MCUB: variants seen among roughly 807,000 people sequenced by gnomAD.
MCUB encodes the protein calcium uniporter regulatory subunit MCUb, mitochondrial.
Under a neutral mutation model 41.4 loss-of-function variants are expected in MCUB, and 46 were observed. The observed-to-expected ratio is 1.11, with a 90% CI of 0.88 to 1.42. The LOEUF (loss-of-function observed/expected upper bound fraction) is 1.42. MCUB is among the 40% of genes most tolerant of loss of function. The probability of loss-of-function intolerance (pLI) is 0.00; values close to 1 mark genes in which losing one functional copy is unlikely to be tolerated. For synonymous variants in MCUB, 148 were observed against 148.2 expected (o/e 1.00, Z 0.01); for missense variants, 403 against 404.9 (o/e 1.00, Z 0.04).
At chr4:109,648,693 GA>G (rs1728891200) in intron 1 of MCUB, 1 of 232,422 alleles carries the variant, frequency 4.3e-6, no homozygotes, top group Non-Finnish European at 7.7e-6. Context: ...ATAGCAGTTT[GA>G]TTTTTTTTTT....
chr4:109,684,284 G>A lies in MCUB; in HGVS notation c.613-159G>A, dbSNP rs558553594. Among the ~76,000 whole-genome samples, 33 of 152,102 alleles carry A rather than the reference G, an allele frequency of 2.2e-4. No homozygotes were observed. The East Asian group carries it at 6.4e-3, about 29-fold the overall frequency. ...TCACCATGTTAACCAGGATGGTCTC[G>A]ATCTCCTGACCTCGTGATCCGCCCA... On this transcript the variant is annotated intron_variant, in intron 5 of 7. Transcript: ENST00000394650.
chr4:109,581,737 T>C (rs1561215878), intron 1 of MCUB, among the ~76,000 whole-genome samples: 2 of 152,288 alleles, frequency 1.3e-5, no homozygotes, highest in South Asian at 2.1e-4. Context: ...CAGACACTTC[T>C]CAAAAGAAGA....
chr4:109,639,171 G>C (rs1186284260), intron 1 of MCUB, among the ~76,000 whole-genome samples: 1 of 152,254 alleles, frequency 6.6e-6, no homozygotes, highest in East Asian at 1.9e-4. Flanking sequence ...ATCTATGGCA[G>C]TTATAGCCTT....
In MCUB at chr4:109,560,264, G is replaced by C. The variant is rs1726586482; in HGVS notation, c.-74G>C. 3 of 728,532 alleles carry C rather than the reference G, an allele frequency of 4.1e-6. No individual in the cohort carries two copies. In the Admixed American group the frequency reaches 1.3e-4, roughly 32 times the overall value. The allele number at this position is 728,532 out of a possible 1,614,324, so 45.1% of individuals were successfully genotyped here. Reference sequence around the variant, plus strand: ...AGCGCCCACAGCTCGGAGCCACCAGGCGCTGACGAGGAGCCCGGCTGAGGG... The same window carrying C: ...AGCGCCCACAGCTCGGAGCCACCAGCCGCTGACGAGGAGCCCGGCTGAGGG... On this transcript the variant is annotated 5_prime_UTR_variant, in exon 1 of 8. Coordinates refer to ENST00000394650, the MANE Select transcript of MCUB (RefSeq NM_017918.5).
At chr4:109,605,544 A>C (rs1300644486) in intron 1 of MCUB, among the ~76,000 whole-genome samples, 1 of 152,190 alleles carries the variant, frequency 6.6e-6, no homozygotes, top group Non-Finnish European at 1.5e-5. Flanking sequence ...TATTAGATCC[A>C]TTTGGTCCAT....
At chr4:109,656,395 A>G (rs1399320005) in intron 1 of MCUB, among the ~76,000 whole-genome samples, 20 of 49,864 alleles carry the variant, frequency 4.0e-4, no homozygotes, top group Admixed American at 1.5e-3. Context: ...TTTTTTTTGG[A>G]GACAGGGTTT....
chr4:109,619,432 G>T (rs1232797371), intron 1 of MCUB, among the ~76,000 whole-genome samples: 1 of 152,146 alleles, frequency 6.6e-6, no homozygotes, highest in Non-Finnish European at 1.5e-5. Context: ...CAAAGGCTGG[G>T]CGTGGTGGCT....
intron 1 of MCUB, among the ~76,000 whole-genome samples, chr4:109,606,664 A>G (rs1727877968): frequency 1.3e-5 from 2 of 152,198 alleles, no homozygotes; most frequent in African/African-American, 4.8e-5. Context: ...TAAAAACTCT[A>G]TACTTCAGTG....
At chr4:109,656,353 A>C (rs1287452667) in intron 1 of MCUB, among the ~76,000 whole-genome samples, 5 of 100,322 alleles carry the variant, frequency 5.0e-5, no homozygotes, top group African/African-American at 1.4e-4. Context: ...TTTACTCTCT[A>C]CTTTTTTTTT....
rs11933017 is a variant in MCUB, at chr4:109,686,355, T to A, written c.933+988T>A. 8.2e-3 allele frequency among the ~76,000 whole-genome samples: 1,241 copies of A among 152,262 alleles called. 19 individuals are homozygous for A. The highest frequency in any genetic ancestry group is 0.028 in the African/African-American group (1,150 of 41,544). On this transcript the variant is annotated intron_variant, in intron 7 of 7. Transcript: ENST00000394650. ...AGTTCCACTATGTTGTCCAGGCTGG[T>A]CTCAAACTCCTAACCTCAAGTGATC...
At chr4:109,657,114 G>A (rs1213332629) in intron 1 of MCUB, among the ~76,000 whole-genome samples, 1 of 151,744 alleles carries the variant, frequency 6.6e-6, no homozygotes, top group African/African-American at 2.4e-5. Context: ...AGCTACTTGG[G>A]AGGCTGAAGC....
intron 1 of MCUB, among the ~76,000 whole-genome samples, chr4:109,627,772 G>C (rs1401836770): frequency 2.6e-5 from 4 of 152,100 alleles, no homozygotes; most frequent in South Asian, 2.1e-4. Flanking sequence ...AATTAGCCAG[G>C]TGTGGTGGTG....
intron 4 of MCUB, among the ~76,000 whole-genome samples, chr4:109,678,994 G>A (rs952403367): frequency 7.0e-6 from 1 of 143,336 alleles, no homozygotes; most frequent in African/African-American, 2.6e-5. Context: ...GGCAGAGACA[G>A]TCCTCACTTC....
At chr4:109,635,154 A>G (rs1239265289) in intron 1 of MCUB, among the ~76,000 whole-genome samples, 1 of 152,140 alleles carries the variant, frequency 6.6e-6, no homozygotes, top group Non-Finnish European at 1.5e-5. Flanking sequence ...ATTGCTGCAT[A>G]GTATTTCATG....
intron 4 of MCUB, among the ~76,000 whole-genome samples, chr4:109,667,040 G>A (rs1386986584): frequency 6.6e-6 from 1 of 152,140 alleles, no homozygotes; most frequent in Non-Finnish European, 1.5e-5. Flanking sequence ...ATATTGGTCT[G>A]TGGTTTTGTT....
intron 1 of MCUB, among the ~76,000 whole-genome samples, chr4:109,597,243 T>C (rs1023001130): frequency 2.6e-5 from 4 of 152,176 alleles, no homozygotes; most frequent in East Asian, 3.9e-4. Context: ...CAATGAGCTG[T>C]TGGGCACACC....
chr4:109,626,266 T>G (rs1447634755), intron 1 of MCUB, among the ~76,000 whole-genome samples: 1 of 151,774 alleles, frequency 6.6e-6, no homozygotes, highest in Non-Finnish European at 1.5e-5. Context: ...GCAGAGAAAA[T>G]TTACAAGAAA....
intron 1 of MCUB, among the ~76,000 whole-genome samples, chr4:109,582,040 A>G (rs1384118463): frequency 1.3e-5 from 2 of 152,128 alleles, no homozygotes; most frequent in African/African-American, 2.4e-5. Flanking sequence ...TATATACCCA[A>G]AGGATTATAA....
At chr4:109,630,460 T>C (rs1579073531) in intron 1 of MCUB, among the ~76,000 whole-genome samples, 2 of 152,310 alleles carry the variant, frequency 1.3e-5, no homozygotes, top group Middle Eastern at 6.8e-3. Context: ...AGACCCCATC[T>C]CTAAAAAAAT....
Sources: allele counts gnomAD v4.1 joint callset (sites outside exome capture counted in the v4.1 genomes callset), GRCh38; gene constraint gnomAD v4.1.1; transcripts MANE v1.5; gene names NCBI Gene and HGNC (gene_info 2026-07-23, HGNC 2026-07-21).